The following TGFBR2 variants were observed in gnomAD, a reference collection of about 807,000 sequenced individuals.
TGFBR2 encodes TGF-beta receptor type-2.
Under a neutral mutation model 49.0 loss-of-function variants are expected in TGFBR2, and 18 were observed. The ratio of observed to expected loss-of-function variants is 0.37; its 90% confidence interval spans 0.25 to 0.54. The LOEUF (loss-of-function observed/expected upper bound fraction) is 0.54, where lower values mean the gene tolerates loss of function less well. Among genes scored for constraint, TGFBR2 ranks in the 20% least tolerant of loss-of-function variants. The pLI, the probability that TGFBR2 is intolerant of heterozygous loss-of-function variation, is 0.85. For synonymous variants in TGFBR2, 282 were observed against 275.9 expected (o/e 1.02, Z -0.22); for missense variants, 525 against 722.6 (o/e 0.73, Z 3.13).
intron 5 of TGFBR2, among the ~76,000 whole-genome samples, chr3:30,686,813 T>A (rs1559471807): frequency 6.6e-6 from 1 of 152,240 alleles, no homozygotes; most frequent in Non-Finnish European, 1.5e-5. Context: ...CTGTGCTCTG[T>A]TTACACTATA....
chr3:30,672,577 C>A lies in TGFBR2; in HGVS notation c.1254+140C>A. 2.1e-6 allele frequency: 2 copies of A among 936,376 alleles called. No homozygotes were observed. The highest frequency in any genetic ancestry group is 2.4e-5 in the East Asian group (1 of 40,882). The allele number at this position is 936,376 out of a possible 1,614,324, so 58.0% of individuals were successfully genotyped here. ...AGGGAATCTAGCCAAAGTATGGAGT[C>A]TGCCTTGAGCATACTCTGCTCTGTC... On this transcript the variant is annotated intron_variant, in intron 4 of 6. Coordinates refer to ENST00000295754, the MANE Select transcript of TGFBR2 (RefSeq NM_003242.6). This position sits in a 1 kb window ranked among gnomAD's most constrained non-coding sequence, Gnocchi z 4.5.
At chr3:30,636,191 G>GTGTT in intron 1 of TGFBR2, among the ~76,000 whole-genome samples, 1 of 149,412 alleles carries the variant, frequency 6.7e-6, no homozygotes, top group East Asian at 2.0e-4. Flanking sequence ...GTGTGTGTGT[G>GTGTT]TGTGTGTGTA....
At chr3:30,628,672 T>C (rs1698382230) in intron 1 of TGFBR2, among the ~76,000 whole-genome samples, 1 of 151,992 alleles carries the variant, frequency 6.6e-6, no homozygotes, top group African/African-American at 2.4e-5. Context: ...TAAGAATTAC[T>C]TGATACCTTA....
At chr3:30,647,891 C>A (rs1698795211) in intron 2 of TGFBR2, among the ~76,000 whole-genome samples, 2 of 151,812 alleles carry the variant, frequency 1.3e-5, no homozygotes, top group African/African-American at 2.4e-5. Flanking sequence ...GTTGGCCAGG[C>A]TGGTCTCGAA....
At chr3:30,623,368 A>G (rs1442904829) in intron 1 of TGFBR2, 9 of 1,459,564 alleles carry the variant, frequency 6.2e-6, no homozygotes, top group Admixed American at 3.4e-5. Context: ...ATAAAAATCT[A>G]TAGTCTCCTC....
intron 3 of TGFBR2, among the ~76,000 whole-genome samples, chr3:30,658,902 C>A (rs1292110532): frequency 6.6e-6 from 1 of 152,206 alleles, no homozygotes; most frequent in African/African-American, 2.4e-5. Flanking sequence ...AGCAAACCCA[C>A]TCTGTGTACT....
At chr3:30,636,202 T>TGTGTGTGTGTG (rs1698526968) in intron 1 of TGFBR2, among the ~76,000 whole-genome samples, 3 of 146,378 alleles carry the variant, frequency 2.0e-5, no homozygotes, top group Non-Finnish European at 3.0e-5. Flanking sequence ...TGTGTGTGTA[T>TGTGTGTGTGTG]AGTACTGGGA....
intron 1 of TGFBR2, among the ~76,000 whole-genome samples, chr3:30,611,580 C>T (rs144732613): frequency 1.3e-5 from 2 of 150,038 alleles, no homozygotes; most frequent in East Asian, 4.0e-4. Flanking sequence ...ATACTGATTC[C>T]TCTTTTTTTT....
chr3:30,688,299 C>A, intron 5 of TGFBR2, 85 bp from the exon 6 acceptor site: 1 of 1,585,842 alleles, frequency 6.3e-7, no homozygotes, highest in Non-Finnish European at 8.7e-7. Flanking sequence ...CTTCATGCTC[C>A]CCAGCCAGGC....
At chr3:30,638,147 G>T (rs753047211) in intron 1 of TGFBR2, among the ~76,000 whole-genome samples, 4 of 152,098 alleles carry the variant, frequency 2.6e-5, no homozygotes, top group African/African-American at 9.7e-5. Flanking sequence ...ATTTAAAGTA[G>T]CGTTTTTTTA....
chr3:30,606,866 C>G lies in TGFBR2; in HGVS notation c.-18C>G, dbSNP rs753369354. On this transcript the variant is annotated 5_prime_UTR_variant, in exon 1 of 7. Coordinates refer to ENST00000295754, the MANE Select transcript of TGFBR2 (RefSeq NM_003242.6). The stretch of plus-strand genomic sequence containing the variant: ...GCTGCGCTGGGGGCTCGGTCTATGA[C>G]GAGCAGCGGGGTCTGCCATGGGTCG... 6.8e-6 allele frequency: 10 copies of G among 1,479,288 alleles called. No individual in the cohort carries two copies. Among genetic ancestry groups the G allele is most frequent in the Non-Finnish European group, 8.2e-6 (9 of 1,098,718 alleles). The allele number at this position is 1,479,288 out of a possible 1,614,324, so 91.6% of individuals were successfully genotyped here.
intron 5 of TGFBR2, among the ~76,000 whole-genome samples, chr3:30,683,063 T>C (rs1385594304): frequency 6.6e-6 from 1 of 152,242 alleles, no homozygotes; most frequent in African/African-American, 2.4e-5. Flanking sequence ...ATGCTCTTCC[T>C]GGAATCCAGT....
chr3:30,668,333 A>C (rs1442985941), intron 3 of TGFBR2, among the ~76,000 whole-genome samples: 4 of 152,220 alleles, frequency 2.6e-5, no homozygotes, highest in African/African-American at 9.6e-5. Context: ...TTCTGATTAT[A>C]AGACATTCCA....
chr3:30,626,147 C>G (rs1698327700), intron 1 of TGFBR2, among the ~76,000 whole-genome samples: 1 of 152,168 alleles, frequency 6.6e-6, no homozygotes, highest in African/African-American at 2.4e-5. Flanking sequence ...CTAATCTAGC[C>G]TAACCCAGTG....
intron 3 of TGFBR2, 71 bp from the exon 4 acceptor site, chr3:30,671,567 T>C (rs939980871): frequency 2.7e-6 from 4 of 1,490,496 alleles, no homozygotes; most frequent in Middle Eastern, 1.8e-4. Flanking sequence ...TGCTCAGGCA[T>C]GAACCCACTT....
Position 30,671,625 on chromosome 3 carries a change from G to A in TGFBR2, c.455-13G>A. The A allele has an allele frequency of 6.2e-7, 1 of 1,614,064 alleles. No homozygotes were observed. Among genetic ancestry groups the A allele is most frequent in the African/African-American group, 1.3e-5 (1 of 75,016 alleles). ...ATCCAACTCCTTCTCTCCTTGTTTT[G>A]TTTCCCCATCAGAATATAACACCAG... is the stretch of plus-strand genomic sequence containing the variant. On this transcript the variant is annotated splice_polypyrimidine_tract_variant and intron_variant, in intron 3 of 6. Coordinates refer to ENST00000295754, the MANE Select transcript of TGFBR2 (RefSeq NM_003242.6).
intron 1 of TGFBR2, among the ~76,000 whole-genome samples, chr3:30,639,082 TG>T (rs1698595942): frequency 6.6e-6 from 1 of 152,166 alleles, no homozygotes; most frequent in Non-Finnish European, 1.5e-5. Context: ...AGATGAGAAA[TG>T]CCTGTAAAAA....
intron 1 of TGFBR2, chr3:30,623,297 T>G: frequency 6.2e-7 from 1 of 1,613,350 alleles, no homozygotes; most frequent in Non-Finnish European, 8.5e-7. Context: ...AATTAATCTT[T>G]TCATCATTTT....
chr3:30,660,363 C>T (rs993450231), intron 3 of TGFBR2, among the ~76,000 whole-genome samples: 1 of 152,174 alleles, frequency 6.6e-6, no homozygotes, highest in African/African-American at 2.4e-5. Context: ...AAAAACTACT[C>T]ATTAACTGGG....
Sources: allele counts gnomAD v4.1 joint callset (sites outside exome capture counted in the v4.1 genomes callset), GRCh38; gene constraint gnomAD v4.1.1; non-coding constraint Gnocchi (gnomAD v3.1); transcripts MANE v1.5; gene names NCBI Gene and HGNC (gene_info 2026-07-23, HGNC 2026-07-21).